Variants in PRKDC observed in about 807,000 individuals in gnomAD.
PRKDC encodes the protein DNA-dependent protein kinase catalytic subunit.
PRKDC carries 82 observed loss-of-function variants against 486.9 expected under a neutral mutation model. That is an observed-to-expected ratio of 0.17 (90% CI 0.14 to 0.20). The LOEUF is 0.20. Ranked by LOEUF, PRKDC falls within the 10% of genes least tolerant of loss-of-function variation. The pLI, the probability that PRKDC is intolerant of heterozygous loss-of-function variation, is 1.00. For missense variants in PRKDC, 4,504 were observed against 5,038.2 expected (o/e 0.89, Z 3.21); for synonymous variants, 1,895 against 1,837.0 (o/e 1.03, Z -0.81).
chr8:47,915,105 C>T (rs1057470195), intron 23 of PRKDC, among the ~76,000 whole-genome samples: 6 of 152,162 alleles, frequency 3.9e-5, no homozygotes, highest in Admixed American at 1.3e-4. Flanking sequence ...GGATAACATG[C>T]TTAACAAGTC....
At position 47,944,020 on chromosome 8, in the gene PRKDC, G is replaced by T; in HGVS notation, c.731C>A (p.Thr244Asn). The change falls in exon 8 of 86, where the codon ACT (threonine) becomes AAT (asparagine). Residue 244 changes from threonine to asparagine, a missense_variant. Thr to Asn is a moderately conservative substitution (Grantham distance 65). Coordinates refer to ENST00000314191, the MANE Select transcript of PRKDC (RefSeq NM_006904.7). ...TACAAAATTAAAAATCTCCCTTGAA[G>T]TCTGGGGATCTAGGGAAATACCAAG... ...FTKSMEEDPQTSREIFNFVLK... is the reference protein window; with the variant it reads ...FTKSMEEDPQNSREIFNFVLK... 6.4e-7 allele frequency: 1 copy of T among 1,562,552 alleles called. No homozygotes were observed. Among genetic ancestry groups the T allele is most frequent in the East Asian group, 2.4e-5 (1 of 42,198 alleles).
rs538352579 is a variant in PRKDC, at chr8:47,930,737, C to G, written c.1827G>C (p.Ala609=). The G allele has an allele frequency of 6.3e-7, 1 of 1,591,678 alleles. No individual in the cohort carries two copies. Among genetic ancestry groups the G allele is most frequent in the African/African-American group, 1.3e-5 (1 of 74,340 alleles). ...TAGGTTTAGCTGGATGCAAGTTAGC[C>G]GCTGGATCTGAAGTTGGGATCATCC... ...GVWMIPTSDP[A]ANLHPAKPKD... The change falls in exon 17 of 86, where the codon GCG becomes GCC. Residue 609 remains alanine, a synonymous_variant. Transcript: ENST00000314191.
At chr8:47,799,636 C>CAACA (rs1238756876) in intron 71 of PRKDC, among the ~76,000 whole-genome samples, 2 of 152,128 alleles carry the variant, frequency 1.3e-5, no homozygotes, top group Admixed American at 6.6e-5. Flanking sequence ...GGTGCACAAG[C>CAACA]AACACAGAGC....
intron 40 of PRKDC, among the ~76,000 whole-genome samples, chr8:47,870,514 T>C (rs1163992070): frequency 6.6e-6 from 1 of 152,196 alleles, no homozygotes; most frequent in Non-Finnish European, 1.5e-5. Flanking sequence ...AGATTAGGAC[T>C]TAGGGTGGCC....
At chr8:47,927,742 G>C in intron 20 of PRKDC, 29 bp downstream of exon 20, 1 of 1,479,338 alleles carries the variant, frequency 6.8e-7, no homozygotes, top group Non-Finnish European at 8.9e-7. Flanking sequence ...CAGCGATGAA[G>C]AGATGGCTCT....
At chr8:47,862,598 G>C (rs1176946997) in intron 42 of PRKDC, 57 bp from the exon 43 acceptor site, 26 of 1,480,422 alleles carry the variant, frequency 1.8e-5, no homozygotes, top group Non-Finnish European at 2.3e-5. Flanking sequence ...CACTGCTCAA[G>C]CCCAACAATG....
At chr8:47,897,071 A>G in intron 30 of PRKDC, 90 bp downstream of exon 30, 1 of 1,342,650 alleles carries the variant, frequency 7.4e-7, no homozygotes, top group Non-Finnish European at 1.0e-6. Flanking sequence ...GTTAACTGCA[A>G]TGATACCCAA....
intron 40 of PRKDC, among the ~76,000 whole-genome samples, chr8:47,873,881 G>C (rs1319205844): frequency 6.6e-6 from 1 of 151,792 alleles, no homozygotes; most frequent in Non-Finnish European, 1.5e-5. Context: ...GAGGGAGGGG[G>C]AAATGGGGAT....
Position 47,954,328 on chromosome 8 carries a change from T to C in PRKDC, c.508+10A>G. On this transcript the variant is annotated intron_variant, in intron 5 of 85. Transcript: ENST00000314191. ...AAACTATTTGAAAATAACATGTAAA[T>C]GCATCTCACCTGTATCTGGTATTTT... The C allele has an allele frequency of 9.3e-7, 1 of 1,073,664 alleles. No homozygotes were observed. The highest frequency in any genetic ancestry group is 1.3e-6 in the Non-Finnish European group (1 of 770,056). 66.5% of individuals were successfully genotyped at this position (1,073,664 alleles called of 1,614,324 possible).
chr8:47,939,424 G>C (rs1348135647), intron 11 of PRKDC, 127 bp downstream of exon 11: 1 of 1,058,606 alleles, frequency 9.4e-7, no homozygotes, highest in Non-Finnish European at 1.4e-6. Context: ...TGCAGTTCAC[G>C]CCCATGTTAT....
intron 38 of PRKDC, 27 bp downstream of exon 38, chr8:47,881,389 C>G (rs762307574): frequency 1.6e-6 from 2 of 1,284,686 alleles, no homozygotes; most frequent in East Asian, 4.8e-5. Context: ...GAATGTAATC[C>G]AAAAAAATAA....
chr8:47,956,140 TC>T (rs540155778), intron 3 of PRKDC, among the ~76,000 whole-genome samples, 192 bp from the exon 4 acceptor site: 1 of 151,898 alleles, frequency 6.6e-6, no homozygotes, highest in Non-Finnish European at 1.5e-5. Context: ...AGGTAGGCGA[TC>T]ACCTGAGGTC....
chr8:47,859,490 A>G, intron 46 of PRKDC, 121 bp downstream of exon 46: 3 of 1,177,570 alleles, frequency 2.5e-6, no homozygotes, highest in Non-Finnish European at 3.6e-6. Flanking sequence ...AATTAACTCT[A>G]TACTCCGAGG....
chr8:47,939,400 TGTAA>T (rs766937009), intron 11 of PRKDC, 147 bp downstream of exon 11: 5 of 813,716 alleles, frequency 6.1e-6, no homozygotes, highest in Non-Finnish European at 9.4e-6. Context: ...AACATCTGCA[TGTAA>T]GTGAGCCTGT....
Position 47,798,706 on chromosome 8 carries a change from T to A in PRKDC, c.10298-309A>T, listed in dbSNP as rs148347153. 3.5e-3 allele frequency among the ~76,000 whole-genome samples: 537 copies of A among 152,258 alleles called. 2 individuals carry two copies. Among genetic ancestry groups the A allele is most frequent in the African/African-American group, 0.012 (505 of 41,550 alleles). ...AGCAGGCCACACGAGCCAGTAATAT[T>A]GAAGCTGCAAGCAAAATATCAAAGT... is the stretch of plus-strand genomic sequence containing the variant. On this transcript the variant is annotated intron_variant, in intron 72 of 85. Transcript: ENST00000314191.
Position 47,902,763 on chromosome 8 carries a change from T to TATA in PRKDC, c.3074_3075insTAT (p.Leu1025delinsPheIle), listed in dbSNP as rs2089711794. Reference sequence around the variant, plus strand: ...GAATACACCGACCACAAAAATCTCTTAAAGTACTGTCAACAGGGTCCACAA... The same window carrying TATA: ...GAATACACCGACCACAAAAATCTCTTATAAAAGTACTGTCAACAGGGTCCACAA... On this transcript the variant is annotated protein_altering_variant, in exon 27 of 86. Coordinates refer to ENST00000314191, the MANE Select transcript of PRKDC (RefSeq NM_006904.7). The TATA allele has an allele frequency of 6.2e-7, 1 of 1,613,204 alleles. No homozygotes were observed. The highest frequency in any genetic ancestry group is 1.3e-5 in the African/African-American group (1 of 74,902).
intron 39 of PRKDC, among the ~76,000 whole-genome samples, 185 bp downstream of exon 39, chr8:47,879,306 A>G (rs2089156873): frequency 6.6e-6 from 1 of 152,234 alleles, no homozygotes; most frequent in African/African-American, 2.4e-5. Context: ...TTCCTCTTCT[A>G]CAAATAATGA....
rs975294324 is a variant in PRKDC at position 47,864,695 on chromosome 8, C to T, written c.5432G>A (p.Arg1811His). The T allele has an allele frequency of 1.4e-5, 22 of 1,606,988 alleles. No homozygotes were observed. The highest frequency in any genetic ancestry group is 2.2e-5 in the East Asian group (1 of 44,696). ...VYEMFRKDDP[R>H]LSFTRQSFVD... The stretch of plus-strand genomic sequence containing the variant: ...AAAGGACTGGCGTGTGAAACTTAGG[C>T]GGGGGTCATCCTTCCTGAACATTTC... The change falls in exon 41 of 86, where the codon CGC becomes CAC. Residue 1811 changes from arginine (R) to histidine (H), a missense_variant. This residue lies in a region of PRKDC where 1,969 missense variants were observed against 2,068.9 expected (regional missense o/e 0.95). Coordinates refer to ENST00000314191, the MANE Select transcript of PRKDC (RefSeq NM_006904.7).
intron 68 of PRKDC, among the ~76,000 whole-genome samples, 156 bp downstream of exon 68, chr8:47,817,294 G>A (rs149255543): frequency 6.6e-6 from 1 of 152,258 alleles, no homozygotes; most frequent in East Asian, 1.9e-4. Flanking sequence ...GACACGGAGA[G>A]CTCTATCGGA....
Sources: gnomAD v4.1 joint callset for allele counts (sites outside exome capture counted in the v4.1 genomes callset) on GRCh38, gnomAD v4.1.1 for gene constraint, gnomAD v4.1.1 regional missense constraint, MANE v1.5 for transcripts, NCBI Gene and HGNC (gene_info 2026-07-23, HGNC 2026-07-21) for gene names.